UNC13D: variants seen among roughly 807,000 people sequenced by gnomAD.
UNC13D encodes the protein protein unc-13 homolog D.
UNC13D carries 115 observed loss-of-function variants against 151.7 expected under a neutral mutation model. That is an observed-to-expected ratio of 0.76 (90% confidence interval 0.65 to 0.88). The LOEUF is 0.88. UNC13D is among the 40% of genes least tolerant of loss of function. UNC13D has a pLI of 0.00. For missense variants in UNC13D, 1,369 were observed against 1,438.7 expected, an observed-to-expected ratio of 0.95 and a Z score of 0.78; for synonymous variants, 588 against 612.2, an observed-to-expected ratio of 0.96 and a Z score of 0.58.
chr17:75,831,372 G>C, intron 25 of UNC13D, 24 bp from the exon 26 acceptor site: 3 of 1,599,054 alleles, frequency 1.9e-6, no homozygotes, highest in Non-Finnish European at 2.6e-6. Context: ...GGAGGGATGC[G>C]GACACAGCAC....
chr17:75,841,258 C>T (rs900444307), intron 6 of UNC13D: 3 of 444,728 alleles, frequency 6.7e-6, no homozygotes, highest in African/African-American at 6.2e-5. Flanking sequence ...AATTTTCCTG[C>T]CTCAGCCTTC....
At chr17:75,835,286 A>G in intron 20 of UNC13D, 123 bp downstream of exon 20, 1 of 1,404,510 alleles carries the variant, frequency 7.1e-7, no homozygotes, top group East Asian at 2.5e-5. Context: ...ACTGGACTCA[A>G]GTGCACCCAA....
chr17:75,836,175 C>T, intron 16 of UNC13D, 25 bp downstream of exon 16: 6 of 1,606,522 alleles, frequency 3.7e-6, no homozygotes, highest in Non-Finnish European at 5.1e-6. Flanking sequence ...TGACCCCCTG[C>T]CCTCCCCCTT....
At chr17:75,843,716 G>A (rs1321695232) in intron 1 of UNC13D, 197 bp from the exon 2 acceptor site, 1 of 1,443,574 alleles carries the variant, frequency 6.9e-7, no homozygotes, top group Non-Finnish European at 9.1e-7. Context: ...CCGTGGCTGA[G>A]GTCCATGGGT....
chr17:75,843,439 A>G, intron 2 of UNC13D, 45 bp downstream of exon 2: 1 of 1,585,794 alleles, frequency 6.3e-7, no homozygotes, highest in Non-Finnish European at 8.6e-7. Flanking sequence ...GAGGACACAC[A>G]GCCGCCCTCC....
At chr17:75,843,645 C>A (rs2064965354) in intron 1 of UNC13D, 126 bp from the exon 2 acceptor site, 8 of 1,513,086 alleles carry the variant, frequency 5.3e-6, no homozygotes, top group Non-Finnish European at 7.1e-6. Context: ...GGCCTCCAGC[C>A]CCAGTGATGC....
In UNC13D at chr17:75,839,810, A is replaced by G. The variant is rs1466697852; in HGVS notation, c.1055+29T>C. The G allele has an allele frequency of 2.5e-6, 4 of 1,610,806 alleles. No homozygotes were observed. In the South Asian group the frequency reaches 3.3e-5, roughly 13 times the overall value. On this transcript the variant is annotated intron_variant, in intron 12 of 31. Coordinates refer to ENST00000207549, the MANE Select transcript of UNC13D (RefSeq NM_199242.3). ...AGGGGGCGTGGGGGGCTGGTGGCTC[A>G]GGGGTTCTGCCCAGGGCTGTGTACT...
In UNC13D at chr17:75,844,311, C is replaced by G; in HGVS notation, c.27G>C (p.Gln9His). The G allele has an allele frequency of 6.2e-7, 1 of 1,612,260 alleles. No individual in the cohort carries two copies. The highest frequency in any genetic ancestry group is 8.5e-7 in the Non-Finnish European group (1 of 1,179,728). The change falls in exon 1 of 32, where the codon CAG becomes CAC. Residue 9 changes from glutamine to histidine, a missense_variant. Physicochemically the swap from Gln to His is conservative, Grantham distance 24 (BLOSUM62 0). Coordinates refer to ENST00000207549, the MANE Select transcript of UNC13D (RefSeq NM_199242.3). ...CCTGGCGCAAGAAGGGAGGGCGCTG[C>G]TGCGGATGGGAGAGGAGTGTCGCCA... Reference protein sequence around the residue: MATLLSHPQQRPPFLRQAI... With the variant: MATLLSHPHQRPPFLRQAI...
rs777262533 is a variant in UNC13D at position 75,830,450 on chromosome 17, C to A, written c.2742G>T (p.Val914=). The change falls in exon 29 of 32, where the codon GTG becomes GTT. Residue 914 remains valine (V), a synonymous_variant. Coordinates refer to ENST00000207549, the MANE Select transcript of UNC13D (RefSeq NM_199242.3). ...AGGCGCGGTAGGAGGCCTTGACTGT[C>A]ACAGCCCCCAGCTCCTCAGAGGTGG... The part of the protein sequence containing the change: ...AETTSEELGA[V]TVKASYRASE... The A allele has an allele frequency of 3.1e-6, 5 of 1,587,520 alleles. No individual in the cohort carries two copies. The highest frequency in any genetic ancestry group is 3.4e-6 in the Non-Finnish European group (4 of 1,167,826).
chr17:75,828,809 G>C lies in UNC13D; in HGVS notation c.3129C>G (p.Pro1043=). 3 of 1,555,004 alleles carry C rather than the reference G, an allele frequency of 1.9e-6. No homozygotes were observed. Among genetic ancestry groups the C allele is most frequent in the Non-Finnish European group, 2.6e-6 (3 of 1,151,988 alleles). ...EPGEVPQTRL[P]LTYPAPNGDP... ...TACCGTTGGGTGCGGGGTACGTGAG[G>C]GGCAGGCGGGTCTGAGGCACCTCAC... The change falls in exon 31 of 32, where the codon CCC becomes CCG. Residue 1043 remains proline (P), a synonymous_variant. Transcript: ENST00000207549.
rs764862990 is a variant in UNC13D, at chr17:75,840,818, A to G, written c.627T>C (p.Thr209=). 12 of 1,613,880 alleles carry G rather than the reference A, an allele frequency of 7.4e-6. No homozygotes were observed. The Admixed American group carries it at 1.3e-4, about 18-fold the overall frequency. Residue 209 remains threonine (T), a synonymous_variant, in exon 8 of 32, where the codon ACT becomes ACC. Transcript: ENST00000207549. The surrounding 1 kb of genome is among the most constrained non-coding windows in gnomAD (Gnocchi z 4.6). ...SFHLDMWDLD[T]VESVRQKLGE... The stretch of plus-strand genomic sequence containing the variant: ...CAAGCTTCTGTCGGACAGACTCCAC[A>G]GTGTCCAGGTCCCTGGCAGGACAGA...
rs1319687389 is a variant in UNC13D at position 75,840,833 on chromosome 17, G to A, written c.615-3C>T. 3 of 1,613,954 alleles carry A rather than the reference G, an allele frequency of 1.9e-6. No homozygotes were observed. Among genetic ancestry groups the A allele is most frequent in the Admixed American group, 1.7e-5 (1 of 60,002 alleles). ...CAGACTCCACAGTGTCCAGGTCCCT[G>A]GCAGGACAGAGGTTTGAGAAGGAAG... On this transcript the variant is annotated splice_region_variant and splice_polypyrimidine_tract_variant and intron_variant, in intron 7 of 31. Transcript: ENST00000207549. The surrounding 1 kb of genome is among the most constrained non-coding windows in gnomAD (Gnocchi z 4.6).
At position 75,839,824 on chromosome 17, in the gene UNC13D, G is replaced by A. The variant is rs761227489; in HGVS notation, c.1055+15C>T. Reference sequence around the variant, plus strand: ...GCTGGTGGCTCAGGGGTTCTGCCCAGGGCTGTGTACTCACGCCATGGACTG... The same window carrying A: ...GCTGGTGGCTCAGGGGTTCTGCCCAAGGCTGTGTACTCACGCCATGGACTG... On this transcript the variant is annotated intron_variant, in intron 12 of 31. Coordinates refer to ENST00000207549, the MANE Select transcript of UNC13D (RefSeq NM_199242.3). 2.5e-6 allele frequency: 4 copies of A among 1,612,652 alleles called. No homozygotes were observed. The highest frequency in any genetic ancestry group is 3.4e-6 in the Non-Finnish European group (4 of 1,179,398).
At chr17:75,843,595 G>A (rs1209676596) in intron 1 of UNC13D, 76 bp from the exon 2 acceptor site, 5 of 1,578,320 alleles carry the variant, frequency 3.2e-6, no homozygotes, top group South Asian at 1.2e-5. Flanking sequence ...GCTCCTCTGA[G>A]GCCTGATCCA....
In UNC13D at chr17:75,843,201, G is replaced by C; in HGVS notation, c.219C>G (p.Asn73Lys). The part of the protein sequence containing the change: ...VLHRLGHPEP[N>K]HVTEASELLR... ...GCAGCTCAGAGGCCTCCGTCACATGGTTGGGCTCAGGATGACCCAGGCGGT... is the reference window on the plus strand; with the variant it reads ...GCAGCTCAGAGGCCTCCGTCACATGCTTGGGCTCAGGATGACCCAGGCGGT... The change falls in exon 3 of 32, where the codon AAC (asparagine) becomes AAG (lysine). Residue 73 changes from asparagine (N) to lysine (K), a missense_variant. Asn to Lys is a moderately conservative substitution (Grantham distance 94). Around this residue, in one of 3 missense-constraint regions of UNC13D, gnomAD observed 550 missense variants for 609.0 expected, o/e 0.90. Coordinates refer to ENST00000207549, the MANE Select transcript of UNC13D (RefSeq NM_199242.3). The C allele has an allele frequency of 1.2e-6, 2 of 1,612,182 alleles. No individual in the cohort carries two copies. Among genetic ancestry groups the C allele is most frequent in the Non-Finnish European group, 1.7e-6 (2 of 1,179,952 alleles).
In UNC13D at chr17:75,843,473, C is replaced by A; in HGVS notation, c.153+11G>T. 1 of 1,607,076 alleles carries A rather than the reference C, an allele frequency of 6.2e-7. No individual in the cohort carries two copies. Among genetic ancestry groups the A allele is most frequent in the Non-Finnish European group, 8.5e-7 (1 of 1,177,522 alleles). On this transcript the variant is annotated intron_variant, in intron 2 of 31. Transcript: ENST00000207549. ...CCCCACCTCTCTGCACCCCAGCACT[C>A]TGACTCTTACCTGCTCGGGGGAGAA...
rs897947811 is a variant in UNC13D at position 75,843,708 on chromosome 17, G to A, written c.118-189C>T. On this transcript the variant is annotated intron_variant, in intron 1 of 31. Coordinates refer to ENST00000207549, the MANE Select transcript of UNC13D (RefSeq NM_199242.3). ...CTGGAGGTCCGTCCCTGGGCCCGCC[G>A]TGGCTGAGGTCCATGGGTGCCCAGC... The A allele has an allele frequency of 1.3e-5, 19 of 1,453,220 alleles. No individual in the cohort carries two copies. In the East Asian group the frequency reaches 2.5e-4, roughly 19 times the overall value. 90.0% of individuals were successfully genotyped at this position (1,453,220 alleles called of 1,614,324 possible).
Position 75,833,136 on chromosome 17 carries a change from C to A in UNC13D, c.2368-91G>T. The A allele has an allele frequency of 2.3e-6, 3 of 1,330,042 alleles. No individual in the cohort carries two copies. The highest frequency in any genetic ancestry group is 3.2e-6 in the Non-Finnish European group (3 of 951,042). The allele number at this position is 1,330,042 out of a possible 1,614,324, so 82.4% of individuals were successfully genotyped here. ...CCTGACCTGGAGGGAGGAAACAGGG[C>A]TGGGAACCGTTCTGTGAGAGCAGTT... On this transcript the variant is annotated intron_variant, in intron 24 of 31. Coordinates refer to ENST00000207549, the MANE Select transcript of UNC13D (RefSeq NM_199242.3). The surrounding 1 kb of genome is among the most constrained non-coding windows in gnomAD (Gnocchi z 4.0).
At chr17:75,839,183 ACCTGAGGTCGGG>A (rs918913645) in intron 12 of UNC13D, among the ~76,000 whole-genome samples, 3 of 152,068 alleles carry the variant, frequency 2.0e-5, no homozygotes, top group Admixed American at 1.3e-4. Flanking sequence ...CAGGCAGATC[ACCTGAGGTCGGG>A]AGTTGGAGAC....
Sources: gnomAD v4.1 joint callset for allele counts (sites outside exome capture counted in the v4.1 genomes callset) on GRCh38, gnomAD v4.1.1 for gene constraint, gnomAD v4.1.1 regional missense constraint, Gnocchi (gnomAD v3.1) non-coding constraint, MANE v1.5 for transcripts, NCBI Gene and HGNC (gene_info 2026-07-23, HGNC 2026-07-21) for gene names.